SLC39A10: variants seen among roughly 807,000 people sequenced by gnomAD.
The protein encoded by SLC39A10 is zinc transporter ZIP10.
A neutral mutation model predicts 65.1 loss-of-function variants in SLC39A10; 13 were observed. The observed-to-expected ratio is 0.20, with a 90% CI of 0.13 to 0.32. The LOEUF is 0.32. Among genes scored for constraint, SLC39A10 ranks in the 10% least tolerant of loss-of-function variants. The pLI, the probability that SLC39A10 is intolerant of heterozygous loss-of-function variation, is 1.00. For missense variants in SLC39A10, 831 were observed against 1,018.4 expected, an observed-to-expected ratio of 0.82 and a Z score of 2.50; for synonymous variants, 321 against 342.2, an observed-to-expected ratio of 0.94 and a Z score of 0.68.
chr2:195,721,268 T>A (rs899492034), intron 8 of SLC39A10, among the ~76,000 whole-genome samples: 3 of 152,134 alleles, frequency 2.0e-5, no homozygotes, highest in African/African-American at 7.2e-5. Flanking sequence ...GACCTTCACT[T>A]CTTCTCTCTA....
chr2:195,635,829 G>A (rs1442223975), intron 2 of SLC39A10, among the ~76,000 whole-genome samples: 1 of 151,888 alleles, frequency 6.6e-6, no homozygotes, highest in Non-Finnish European at 1.5e-5. Context: ...AAAACAAAAG[G>A]CAGATAATGA....
chr2:195,648,259 C>T (rs1037745489), intron 2 of SLC39A10, among the ~76,000 whole-genome samples: 11 of 152,160 alleles, frequency 7.2e-5, no homozygotes, highest in Admixed American at 4.6e-4. Context: ...TGGCCTCCGC[C>T]TATGCTGGAA....
In SLC39A10 at chr2:195,681,039, C is replaced by A; in HGVS notation, c.997C>A (p.His333Asn). The A allele has an allele frequency of 6.2e-7, 1 of 1,606,056 alleles. No homozygotes were observed. The highest frequency in any genetic ancestry group is 1.1e-5 in the South Asian group (1 of 89,924). The change falls in exon 2 of 10, where the codon CAT becomes AAT. Residue 333 changes from histidine (H) to asparagine (N), a missense_variant. By Grantham distance (68) the His-to-Asn change is moderately conservative (BLOSUM62 1). This residue lies in a region of SLC39A10 where 446 missense variants were observed against 499.2 expected (regional missense o/e 0.89). Coordinates refer to ENST00000359634, the MANE Select transcript of SLC39A10 (RefSeq NM_020342.3). ...GAGAAAAGATCTAAATGAAGATGAC[C>A]ATCATCATGAAGTAAGTATAAAAAG... is the stretch of plus-strand genomic sequence containing the variant. ...SLRKDLNEDD[H>N]HHECLNVTQL...
At position 195,669,074 on chromosome 2, in the gene SLC39A10, GA is replaced by G. The variant is rs11440320; in HGVS notation, c.-11-10941del. Among the ~76,000 whole-genome samples, 187 of 135,010 alleles carry G rather than the reference GA, an allele frequency of 1.4e-3. 1 individual carries two copies. Among genetic ancestry groups the G allele is most frequent in the East Asian group, 2.0e-3 (9 of 4,554 alleles). The allele number at this position is 135,010 out of a possible 152,430, so 88.6% of individuals were successfully genotyped here. On this transcript the variant is annotated intron_variant, in intron 1 of 9. Transcript: ENST00000359634. ...TGGGCAACAGGGTGACTCCCTCTCA[GA>G]AAAAAAAAAAAAAAAATTACTAAGT...
intron 2 of SLC39A10, among the ~76,000 whole-genome samples, chr2:195,644,626 C>T (rs1688874867): frequency 6.6e-6 from 1 of 151,590 alleles, no homozygotes; most frequent in South Asian, 2.1e-4. Context: ...AGGCATGAGC[C>T]ACAGGCCCCT....
chr2:195,645,810 AT>A (rs1238975483), intron 2 of SLC39A10, among the ~76,000 whole-genome samples: 1 of 152,268 alleles, frequency 6.6e-6, no homozygotes, highest in Non-Finnish European at 1.5e-5. Flanking sequence ...GATCAAAAAA[AT>A]AAAAATTAAA....
At position 195,708,719 on chromosome 2, in the gene SLC39A10, G is replaced by A; in HGVS notation, c.1450G>A (p.Glu484Lys). The A allele has an allele frequency of 6.2e-7, 1 of 1,613,100 alleles. No individual in the cohort carries two copies. Among genetic ancestry groups the A allele is most frequent in the South Asian group, 1.1e-5 (1 of 90,792 alleles). ...TGGGCATGGACATTCTCATGGACAT[G>A]AATCTAACAAGTTTTTGGAAGAATA... ...AHGHGHSHGH[E>K]SNKFLEEYDA... The change falls in exon 5 of 10, where the codon GAA becomes AAA. Residue 484 changes from glutamate to lysine, a missense_variant. Physicochemically the swap from Glu to Lys is moderately conservative, Grantham distance 56. Coordinates refer to ENST00000359634, the MANE Select transcript of SLC39A10 (RefSeq NM_020342.3).
chr2:195,726,305 A>G (rs1168061169), intron 8 of SLC39A10, among the ~76,000 whole-genome samples: 1 of 152,202 alleles, frequency 6.6e-6, no homozygotes, highest in Non-Finnish European at 1.5e-5. Context: ...TTTGTAATCT[A>G]AAAGACACTT....
At chr2:195,712,027 T>TG (rs1691617340) in intron 5 of SLC39A10, among the ~76,000 whole-genome samples, 1 of 152,208 alleles carries the variant, frequency 6.6e-6, no homozygotes, top group African/African-American at 2.4e-5. Context: ...AGGATTCAAA[T>TG]GGGGAGTTCC....
intron 3 of SLC39A10, among the ~76,000 whole-genome samples, chr2:195,685,095 A>T (rs1018560588): frequency 1.3e-5 from 2 of 149,684 alleles, no homozygotes; most frequent in African/African-American, 4.9e-5. Flanking sequence ...TTTTAAATGC[A>T]TTTTTTTTTC....
intron 8 of SLC39A10, among the ~76,000 whole-genome samples, chr2:195,724,614 A>C (rs2165060): frequency 0.52 from 78,295 of 151,930 alleles, 20,879 homozygotes; most frequent in Non-Finnish European, 0.6. Context: ...TGTAATATTT[A>C]GCTTAAATCT....
At chr2:195,619,210 C>T (rs1375047320) in intron 2 of SLC39A10, among the ~76,000 whole-genome samples, 3 of 151,348 alleles carry the variant, frequency 2.0e-5, no homozygotes, top group South Asian at 2.1e-4. Flanking sequence ...AAGACCTGAA[C>T]TTAGGTAGTA....
chr2:195,706,827 ATATT>A, intron 4 of SLC39A10, 42 bp downstream of exon 4: 1 of 1,375,458 alleles, frequency 7.3e-7, no homozygotes, highest in Non-Finnish European at 9.5e-7. Flanking sequence ...TAAAATAAAA[ATATT>A]TAAGCTGAAA....
intron 2 of SLC39A10, among the ~76,000 whole-genome samples, chr2:195,634,742 T>C (rs1226841130): frequency 1.3e-5 from 2 of 152,164 alleles, no homozygotes; most frequent in Non-Finnish European, 2.9e-5. Context: ...TGTTGAGTAA[T>C]TCAGTGGTTC....
At chr2:195,663,907 A>G (rs1258803116) in intron 1 of SLC39A10, among the ~76,000 whole-genome samples, 1 of 151,656 alleles carries the variant, frequency 6.6e-6, no homozygotes, top group Non-Finnish European at 1.5e-5. Flanking sequence ...TCATCCAGGT[A>G]CTGAGCATGG....
intron 8 of SLC39A10, among the ~76,000 whole-genome samples, chr2:195,727,026 A>G (rs945259765): frequency 2.0e-5 from 3 of 152,188 alleles, no homozygotes; most frequent in African/African-American, 4.8e-5. Context: ...CTTCAATACT[A>G]TTATTATCTC....
intron 3 of SLC39A10, among the ~76,000 whole-genome samples, chr2:195,703,946 C>A (rs1034546354): frequency 5.3e-5 from 8 of 152,132 alleles, no homozygotes; most frequent in African/African-American, 1.9e-4. Flanking sequence ...AAGCAAAGGA[C>A]CCTGAGCCAT....
chr2:195,646,800 G>A (rs1002164903), intron 2 of SLC39A10, among the ~76,000 whole-genome samples: 28 of 152,146 alleles, frequency 1.8e-4, no homozygotes, highest in Admixed American at 5.2e-4. Context: ...ATGGTGAACC[G>A]TGCCTGTGAG....
chr2:195,623,430 ATTG>A (rs1347207831), intron 2 of SLC39A10, among the ~76,000 whole-genome samples: 1 of 152,224 alleles, frequency 6.6e-6, no homozygotes, highest in Non-Finnish European at 1.5e-5. Flanking sequence ...TTGTAAATAA[ATTG>A]TTAATGATAC....
Sources: gnomAD v4.1 joint callset for allele counts (sites outside exome capture counted in the v4.1 genomes callset) on GRCh38, gnomAD v4.1.1 for gene constraint, gnomAD v4.1.1 regional missense constraint, MANE v1.5 for transcripts, NCBI Gene and HGNC (gene_info 2026-07-23, HGNC 2026-07-21) for gene names.